Variants in ANKRD36C observed in about 807,000 individuals in gnomAD.
ANKRD36C encodes ankyrin repeat domain-containing protein 36C.
A neutral mutation model predicts 276.4 loss-of-function variants in ANKRD36C; 61 were observed. The ratio of observed to expected loss-of-function variants is 0.22; its 90% CI spans 0.18 to 0.27. The LOEUF is 0.27. ANKRD36C is among the 10% of genes least tolerant of loss of function. The pLI, the probability that ANKRD36C is intolerant of heterozygous loss-of-function variation, is 1.00. For synonymous variants in ANKRD36C, 483 were observed against 680.1 expected, an observed-to-expected ratio of 0.71 and a Z score of 4.51; for missense variants, 1,447 against 2,032.3, an observed-to-expected ratio of 0.71 and a Z score of 5.54.
chr2:95,917,788 A>G, intron 36 of ANKRD36C, 67 bp downstream of exon 38: 1 of 1,535,360 alleles, frequency 6.5e-7, no homozygotes, highest in South Asian at 1.2e-5. Context: ...CCGCTGATTT[A>G]TTCAGGGTAG....
chr2:95,921,914 A>C, intron 32 of ANKRD36C, 104 bp from the exon 33 acceptor site: 1 of 1,243,948 alleles, frequency 8.0e-7, no homozygotes. Flanking sequence ...GTATTAGTGT[A>C]GGCTTTGATG....
intron 38 of ANKRD36C, among the ~76,000 whole-genome samples, chr2:95,915,371 C>A (rs1433082663): frequency 6.6e-6 from 1 of 151,494 alleles, no homozygotes; most frequent in Admixed American, 6.6e-5. Context: ...AGCACTGTTT[C>A]CTGCTTCCAG....
chr2:95,959,065 C>T (rs1007309438), intron 10 of ANKRD36C, among the ~76,000 whole-genome samples: 16 of 152,284 alleles, frequency 1.1e-4, no homozygotes, highest in East Asian at 1.9e-4. Context: ...GTGGATATGC[C>T]GAGTGATGAG....
At chr2:95,952,860 A>C (rs541556227) in intron 14 of ANKRD36C, among the ~76,000 whole-genome samples, 132 of 152,358 alleles carry the variant, frequency 8.7e-4, no homozygotes, top group African/African-American at 3.0e-3. Flanking sequence ...CTTACATGCA[A>C]GACCTTATTC....
At position 95,911,072 on chromosome 2, in the gene ANKRD36C, C is replaced by A. The variant is rs535114548; in HGVS notation, c.2653+1172G>T. Among the ~76,000 whole-genome samples, 3 of 151,614 alleles carry A rather than the reference C, an allele frequency of 2.0e-5. No homozygotes were observed. The East Asian group carries it at 5.9e-4, about 30-fold the overall frequency. On this transcript the variant is annotated intron_variant, in intron 42 of 66. Transcript: ENST00000456556. Reference sequence around the variant, plus strand: ...GTTGAACTTACACTTCACATCTCTTCAGTGGAAGTGTCCTAAATTGATCAC... The same window carrying A: ...GTTGAACTTACACTTCACATCTCTTAAGTGGAAGTGTCCTAAATTGATCAC...
At chr2:95,964,579 A>G (rs1486739489) in intron 6 of ANKRD36C, among the ~76,000 whole-genome samples, 1 of 152,108 alleles carries the variant, frequency 6.6e-6, no homozygotes. Context: ...TGTTAAATGT[A>G]TCAGACACTT....
intron 61 of ANKRD36C, among the ~76,000 whole-genome samples, chr2:95,858,280 T>C (rs1358912228): frequency 2.0e-5 from 3 of 152,228 alleles, no homozygotes; most frequent in Non-Finnish European, 4.4e-5. Context: ...TCTTTGTTGA[T>C]ATTAGAAAAT....
chr2:95,867,356 T>A, intron 60 of ANKRD36C, 84 bp downstream of exon 80: 1 of 596,378 alleles, frequency 1.7e-6, no homozygotes, highest in East Asian at 2.8e-5. Flanking sequence ...AACATATCAG[T>A]ACTCTATGGT....
intron 58 of ANKRD36C, among the ~76,000 whole-genome samples, chr2:95,877,923 C>T (rs1447621747): frequency 6.6e-6 from 1 of 150,830 alleles, no homozygotes; most frequent in South Asian, 2.1e-4. Flanking sequence ...TGGTGGCTCA[C>T]GCCTGTAATC....
chr2:95,875,380 G>A (rs1675919614), intron 59 of ANKRD36C, among the ~76,000 whole-genome samples: 1 of 151,774 alleles, frequency 6.6e-6, no homozygotes. Flanking sequence ...GTCCTTTGTA[G>A]GGACATGGAT....
At chr2:95,914,254 T>C (rs1558637516) in intron 39 of ANKRD36C, 21 bp downstream of exon 41, 3 of 1,553,766 alleles carry the variant, frequency 1.9e-6, no homozygotes, top group Non-Finnish European at 2.6e-6. Context: ...TAGGTCACAA[T>C]ATAAATGACA....
exon 63 of ANKRD36C, chr2:95,855,506 T>C: frequency 1.9e-6 from 3 of 1,611,706 alleles, no homozygotes; most frequent in Non-Finnish European, 2.5e-6. Context: ...GTTTTTTTAG[T>C]TGACAAAATC....
intron 54 of ANKRD36C, among the ~76,000 whole-genome samples, chr2:95,882,726 G>A (rs532526288): frequency 3.0e-4 from 45 of 152,188 alleles, no homozygotes; most frequent in African/African-American, 9.4e-4. Flanking sequence ...GGTATTATGC[G>A]TCATGTGTGT....
chr2:95,952,517 T>C (rs1182661065), intron 14 of ANKRD36C, among the ~76,000 whole-genome samples: 1 of 152,308 alleles, frequency 6.6e-6, no homozygotes, highest in Non-Finnish European at 1.5e-5. Flanking sequence ...TAGAACATGA[T>C]TGGGGCTTTA....
At chr2:95,891,778 T>C in intron 45 of ANKRD36C, 41 bp from the exon 66 acceptor site, 3 of 1,505,798 alleles carry the variant, frequency 2.0e-6, no homozygotes, top group Non-Finnish European at 2.7e-6. Context: ...TAATAAAGTA[T>C]GTTTCATAGA....
rs1676904047 is a variant in ANKRD36C at position 95,911,003 on chromosome 2, C to T, written c.2653+1241G>A. On this transcript the variant is annotated intron_variant, in intron 42 of 66. Transcript: ENST00000456556. ...TACAAACATTCATCATGCTCTTTAA[C>T]TTGCCCAATAACTGAGAAGGCACAC... is the stretch of plus-strand genomic sequence containing the variant. Among the ~76,000 whole-genome samples, 3 of 151,444 alleles carry T rather than the reference C, an allele frequency of 2.0e-5. No individual in the cohort carries two copies. The South Asian group carries it at 6.2e-4, about 31-fold the overall frequency.
rs1296778670 is a variant in ANKRD36C, at chr2:95,923,709, C to T, written c.2042-20G>A. 6.8e-6 allele frequency: 11 copies of T among 1,609,064 alleles called. No individual in the cohort carries two copies. The highest frequency in any genetic ancestry group is 5.0e-5 in the Admixed American group (3 of 59,690). On this transcript the variant is annotated intron_variant, in intron 30 of 66. Coordinates refer to ENST00000456556, the Ensembl canonical transcript of ANKRD36C. ...AAGACACTGAAAAGCAAAAGGGATA[C>T]ATAATCACTCATATGTAAATATGAT...
intron 36 of ANKRD36C, 60 bp from the exon 39 acceptor site, chr2:95,916,231 A>T: frequency 6.3e-7 from 1 of 1,595,938 alleles, no homozygotes; most frequent in East Asian, 2.3e-5. Context: ...TTATCCATAC[A>T]TTCACACAGT....
intron 24 of ANKRD36C, among the ~76,000 whole-genome samples, chr2:95,934,377 G>A (rs939379946): frequency 2.9e-4 from 44 of 152,008 alleles, no homozygotes; most frequent in Non-Finnish European, 5.4e-4. Flanking sequence ...TGATAGACTG[G>A]ATAAAGAAAA....
Sources: allele counts gnomAD v4.1 joint callset (sites outside exome capture counted in the v4.1 genomes callset), GRCh38; gene constraint gnomAD v4.1.1; transcripts MANE v1.5; gene names NCBI Gene and HGNC (gene_info 2026-07-23, HGNC 2026-07-21).